SEMA4D: variants seen among roughly 807,000 people sequenced by gnomAD.
SEMA4D encodes the protein semaphorin 4D, also known as semaphorin-4D.
A neutral mutation model predicts 74.8 loss-of-function variants in SEMA4D; 22 were observed. The observed-to-expected ratio is 0.29, with a 90% CI of 0.21 to 0.42. SEMA4D has a LOEUF of 0.42. SEMA4D is among the 10% of genes least tolerant of loss of function. The probability of loss-of-function intolerance (pLI) is 1.00; values close to 1 mark genes in which losing one functional copy is unlikely to be tolerated. For missense variants in SEMA4D, 937 were observed against 1,118.4 expected (o/e 0.84, Z 2.31); for synonymous variants, 445 against 463.7 (o/e 0.96, Z 0.52).
At chr9:89,450,892 A>G (rs988338137) in intron 2 of SEMA4D, 19 of 467,484 alleles carry the variant, frequency 4.1e-5, no homozygotes, top group African/African-American at 3.4e-4. Context: ...CCAGTTTTGC[A>G]ACCCACTCCC....
Position 89,425,967 on chromosome 9 carries a change from G to A in SEMA4D, c.-243-20268C>T, listed in dbSNP as rs143833406. Among the ~76,000 whole-genome samples, 189 of 152,346 alleles carry A rather than the reference G, an allele frequency of 1.2e-3. 1 individual carries two copies. The East Asian group carries it at 0.026, about 21-fold the overall frequency. On this transcript the variant is annotated intron_variant, in intron 2 of 15. Transcript: ENST00000422704. ...GGCTCCTTCTCTTTGCCAACTGCCA[G>A]CAGTGAAGGCATCACAGAATCTGCC... is the stretch of plus-strand genomic sequence containing the variant.
Position 89,379,524 on chromosome 9 carries a change from T to C in SEMA4D, c.1769A>G (p.Gln590Arg), listed in dbSNP as rs1836524126. 16 of 1,614,202 alleles carry C rather than the reference T, an allele frequency of 9.9e-6. No individual in the cohort carries two copies. Among genetic ancestry groups the C allele is most frequent in the Non-Finnish European group, 1.4e-5 (16 of 1,180,022 alleles). Residue 590 changes from glutamine to arginine, a missense_variant, in exon 16 of 16, where the codon CAG (glutamine) becomes CGG (arginine). Gln to Arg is a conservative substitution (Grantham distance 43). Coordinates refer to ENST00000422704, the MANE Select transcript of SEMA4D (RefSeq NM_001371194.2). Reference protein sequence around the residue: ...SNLARVFWKFQNGVLKAESPK... With the variant: ...SNLARVFWKFRNGVLKAESPK... ...GCTCTCGGCCTTCAACACGCCATTCTGGAACTTCCAAAAGACCCGGGCCAG... is the reference window on the plus strand; with the variant it reads ...GCTCTCGGCCTTCAACACGCCATTCCGGAACTTCCAAAAGACCCGGGCCAG...
At position 89,396,619 on chromosome 9, in the gene SEMA4D, CT is replaced by C; in HGVS notation, c.414+117del. The C allele has an allele frequency of 3.4e-6, 3 of 872,508 alleles. No individual in the cohort carries two copies. In the East Asian group the frequency reaches 8.0e-5, roughly 23 times the overall value. 54.0% of individuals were successfully genotyped at this position (872,508 alleles called of 1,614,324 possible). A position where few individuals can be genotyped will look rare whatever the true frequency, so the allele number is the denominator to read the frequency against. On this transcript the variant is annotated intron_variant, in intron 6 of 15. Transcript: ENST00000422704. ...CTGCCCCCGTTTTCTGCAGCTGGCT[CT>C]GAGAAAATCCTATTTTTTTTTAGGG...
intron 2 of SEMA4D, among the ~76,000 whole-genome samples, chr9:89,414,058 C>T (rs1298767834): frequency 1.3e-5 from 2 of 152,176 alleles, no homozygotes; most frequent in Admixed American, 6.5e-5. Context: ...TCCAGTCACC[C>T]GTGTCTCGGC....
intron 5 of SEMA4D, among the ~76,000 whole-genome samples, chr9:89,398,099 C>T (rs1006146937): frequency 3.9e-5 from 6 of 152,194 alleles, no homozygotes; most frequent in Admixed American, 3.9e-4. Context: ...AAGCCTAAAA[C>T]CCGCAGCCCA....
At position 89,389,030 on chromosome 9, in the gene SEMA4D, C is replaced by T; in HGVS notation, c.792G>A (p.Leu264=). ...ARVCKGDQGG[L]RTLQKKWTSF... is the part of the protein sequence containing the mutation. ...AGGTCCATTTCTTCTGCAAGGTCCT[C>T]AGGCCGCCCTGGTCCCCCTAAAACC... The change falls in exon 10 of 16, where the codon CTG becomes CTA. Residue 264 remains leucine, a synonymous_variant. Coordinates refer to ENST00000422704, the MANE Select transcript of SEMA4D (RefSeq NM_001371194.2). 6.2e-7 allele frequency: 1 copy of T among 1,614,124 alleles called. No homozygotes were observed. The highest frequency in any genetic ancestry group is 8.5e-7 in the Non-Finnish European group (1 of 1,180,012).
intron 4 of SEMA4D, among the ~76,000 whole-genome samples, chr9:89,401,956 C>G (rs1842310218): frequency 6.6e-6 from 1 of 151,968 alleles, no homozygotes; most frequent in African/African-American, 2.4e-5. Flanking sequence ...AGGAGGAACA[C>G]CTGCCTCCAT....
intron 1 of SEMA4D, among the ~76,000 whole-genome samples, chr9:89,458,865 CACAA>C (rs1025927685): frequency 2.2e-5 from 3 of 137,032 alleles, no homozygotes; most frequent in African/African-American, 7.4e-5. Context: ...TACACATACA[CACAA>C]ACACATGCAC....
At chr9:89,442,579 C>T (rs1413256896) in intron 2 of SEMA4D, among the ~76,000 whole-genome samples, 1 of 152,170 alleles carries the variant, frequency 6.6e-6, no homozygotes, top group African/African-American at 2.4e-5. Context: ...GGTCCTCTTC[C>T]TCTACTTGCT....
intron 3 of SEMA4D, 107 bp from the exon 4 acceptor site, chr9:89,403,123 T>C: frequency 3.0e-6 from 4 of 1,319,004 alleles, no homozygotes; most frequent in Non-Finnish European, 4.2e-6. Context: ...AATGAGCACG[T>C]CTGGGTGCAG....
chr9:89,422,460 C>A (rs1298317512), intron 2 of SEMA4D, among the ~76,000 whole-genome samples: 1 of 152,190 alleles, frequency 6.6e-6, no homozygotes, highest in Non-Finnish European at 1.5e-5. Context: ...GGGAGCCATG[C>A]AAGAGGAGAC....
intron 2 of SEMA4D, among the ~76,000 whole-genome samples, chr9:89,417,261 G>C (rs973520821): frequency 6.6e-6 from 1 of 152,216 alleles, no homozygotes; most frequent in Non-Finnish European, 1.5e-5. Flanking sequence ...TTTAACAAAT[G>C]TAAGAAAACA....
intron 2 of SEMA4D, among the ~76,000 whole-genome samples, chr9:89,419,237 C>G (rs1171980157): frequency 6.6e-6 from 1 of 152,192 alleles, no homozygotes; most frequent in Non-Finnish European, 1.5e-5. Context: ...GAGACTGATA[C>G]TGGGGTCTTC....
At chr9:89,476,477 T>C (rs1009671860) in intron 1 of SEMA4D, among the ~76,000 whole-genome samples, 1 of 152,138 alleles carries the variant, frequency 6.6e-6, no homozygotes, top group Non-Finnish European at 1.5e-5. Flanking sequence ...CAAATGGCCC[T>C]CTGTAATGAG....
intron 2 of SEMA4D, among the ~76,000 whole-genome samples, chr9:89,431,486 C>G (rs1434416531): frequency 1.3e-5 from 2 of 152,176 alleles, no homozygotes; most frequent in Non-Finnish European, 2.9e-5. Context: ...CAAACAAGAG[C>G]AGTTTCCCTA....
intron 2 of SEMA4D, among the ~76,000 whole-genome samples, chr9:89,427,626 C>G (rs1201557021): frequency 6.6e-6 from 1 of 152,220 alleles, no homozygotes; most frequent in Non-Finnish European, 1.5e-5. Flanking sequence ...CCCCTCTCCA[C>G]CCCCCGGTCA....
chr9:89,440,010 G>A (rs899022266), intron 2 of SEMA4D, among the ~76,000 whole-genome samples: 4 of 152,182 alleles, frequency 2.6e-5, no homozygotes, highest in Non-Finnish European at 4.4e-5. Flanking sequence ...CACGTGCTGG[G>A]TCAGGAGCCG....
chr9:89,493,876 C>G (rs917395380), intron 1 of SEMA4D, among the ~76,000 whole-genome samples: 1 of 152,216 alleles, frequency 6.6e-6, no homozygotes, highest in Non-Finnish European at 1.5e-5. Flanking sequence ...ACCCCTCTGG[C>G]GCAGGCTCCA....
At chr9:89,382,903 C>CT (rs947032413) in intron 13 of SEMA4D, among the ~76,000 whole-genome samples, 1 of 151,940 alleles carries the variant, frequency 6.6e-6, no homozygotes, top group Non-Finnish European at 1.5e-5. Flanking sequence ...GGGGTGGGCT[C>CT]TGGGGGGCAA....
Sources: allele counts gnomAD v4.1 joint callset (sites outside exome capture counted in the v4.1 genomes callset), GRCh38; gene constraint gnomAD v4.1.1; transcripts MANE v1.5; gene names NCBI Gene and HGNC (gene_info 2026-07-23, HGNC 2026-07-21).